The following ROBO2 variants were observed in gnomAD, a reference collection of about 807,000 sequenced individuals.
ROBO2 encodes the protein roundabout homolog 2.
A neutral mutation model predicts 160.8 loss-of-function variants in ROBO2; 53 were observed. The ratio of observed to expected loss-of-function variants is 0.33; its 90% CI spans 0.26 to 0.41. The LOEUF is 0.41. ROBO2 is among the 10% of genes least tolerant of loss of function. ROBO2 has a pLI of 1.00. For missense variants in ROBO2, 1,577 were observed against 1,722.4 expected, an observed-to-expected ratio of 0.92 and a Z score of 1.49; for synonymous variants, 664 against 611.7, an observed-to-expected ratio of 1.09 and a Z score of -1.26.
At chr3:76,260,421 A>G (rs762981699) in intron 2 of ROBO2, among the ~76,000 whole-genome samples, 7 of 152,174 alleles carry the variant, frequency 4.6e-5, no homozygotes, top group Non-Finnish European at 7.3e-5. Flanking sequence ...ACCAACATCT[A>G]CAGAGGTCAA....
chr3:77,245,626 TGG>T (rs2089636864), intron 2 of ROBO2, among the ~76,000 whole-genome samples: 1 of 152,236 alleles, frequency 6.6e-6, no homozygotes, highest in Non-Finnish European at 1.5e-5. Context: ...TGAAGCTGTG[TGG>T]ATACAAGGGA....
chr3:77,530,249 G>C (rs1353666298), intron 6 of ROBO2, among the ~76,000 whole-genome samples: 1 of 151,892 alleles, frequency 6.6e-6, no homozygotes, highest in Non-Finnish European at 1.5e-5. Context: ...TCAGATCATA[G>C]TTTCTGCCTA....
exon 13 of ROBO2, chr3:77,568,337 T>C: frequency 6.2e-7 from 1 of 1,612,788 alleles, no homozygotes; most frequent in South Asian, 1.1e-5. Context: ...GCACAAGGAG[T>C]GGACCACAGG....
intron 1 of ROBO2, among the ~76,000 whole-genome samples, chr3:77,091,619 G>GA (rs2070272252): frequency 6.6e-6 from 1 of 152,126 alleles, no homozygotes; most frequent in South Asian, 2.1e-4. Context: ...GGTAAGCATG[G>GA]AAAAAATGCA....
chr3:77,385,162 T>A (rs2073968901), intron 2 of ROBO2, among the ~76,000 whole-genome samples: 2 of 152,280 alleles, frequency 1.3e-5, no homozygotes, highest in South Asian at 4.1e-4. Context: ...CCTGAGTAGC[T>A]GGGATTACTG....
In ROBO2 at chr3:76,669,825, C is replaced by T. The variant is rs115513570; in HGVS notation, c.110-428189C>T. 4.9e-3 allele frequency among the ~76,000 whole-genome samples: 739 copies of T among 152,258 alleles called. 2 individuals are homozygous for T. The highest frequency in any genetic ancestry group is 8.5e-3 in the Non-Finnish European group (575 of 68,016). On this transcript the variant is annotated intron_variant, in intron 2 of 26. Transcript: ENST00000487694. The stretch of plus-strand genomic sequence containing the variant: ...AATTAAAACTTTGTTTCCATCAATA[C>T]GTTAACCACACAAGTTTTCTTCTCA...
intron 2 of ROBO2, among the ~76,000 whole-genome samples, chr3:76,351,490 A>G (rs1323303152): frequency 6.6e-6 from 1 of 151,944 alleles, no homozygotes; most frequent in South Asian, 2.1e-4. Flanking sequence ...GATTTACCAC[A>G]CTTAGAATAG....
intron 2 of ROBO2, among the ~76,000 whole-genome samples, chr3:76,863,411 C>A (rs1478481797): frequency 6.7e-6 from 1 of 149,052 alleles, no homozygotes; most frequent in Non-Finnish European, 1.5e-5. Context: ...CCATTCCAGC[C>A]TGGGTGACAG....
At chr3:76,448,760 A>T (rs1321902771) in intron 2 of ROBO2, among the ~76,000 whole-genome samples, 1 of 152,136 alleles carries the variant, frequency 6.6e-6, no homozygotes, top group Non-Finnish European at 1.5e-5. Flanking sequence ...TAATTCATCT[A>T]TTTCTCACAA....
At chr3:76,716,367 G>A (rs1053030307) in intron 2 of ROBO2, among the ~76,000 whole-genome samples, 55 of 152,124 alleles carry the variant, frequency 3.6e-4, no homozygotes, top group Admixed American at 5.2e-4. Flanking sequence ...TATATCTTAC[G>A]TTTTCTCACC....
At chr3:77,343,176 A>C (rs930225338) in intron 2 of ROBO2, among the ~76,000 whole-genome samples, 1 of 152,152 alleles carries the variant, frequency 6.6e-6, no homozygotes, top group Non-Finnish European at 1.5e-5. Context: ...GATCCTATAC[A>C]GTCACATTGG....
At chr3:76,051,207 T>C (rs1441833109) in intron 2 of ROBO2, among the ~76,000 whole-genome samples, 1 of 152,200 alleles carries the variant, frequency 6.6e-6, no homozygotes, top group Non-Finnish European at 1.5e-5. Flanking sequence ...TATTTGAAAC[T>C]CTAAAATACA....
At position 76,914,024 on chromosome 3, in the gene ROBO2, A is replaced by G. The variant is rs1020272697; in HGVS notation, c.110-183990A>G. On this transcript the variant is annotated intron_variant, in intron 2 of 26. Transcript: ENST00000487694. Reference sequence around the variant, plus strand: ...TCCTTTAGATGAGTTACTGTGAATAATACTCCTTTAGATGAGTAAATGTAA... The same window carrying G: ...TCCTTTAGATGAGTTACTGTGAATAGTACTCCTTTAGATGAGTAAATGTAA... Among the ~76,000 whole-genome samples the G allele has an allele frequency of 7.9e-5, 12 of 152,192 alleles. No individual in the cohort carries two copies. In the East Asian group the frequency reaches 1.5e-3, roughly 20 times the overall value.
chr3:76,073,965 A>G lies in ROBO2; in HGVS notation c.109+136363A>G, dbSNP rs543230519. 1.8e-4 allele frequency among the ~76,000 whole-genome samples: 28 copies of G among 151,944 alleles called. 1 individual carries two copies. Among genetic ancestry groups the G allele is most frequent in the Non-Finnish European group, 4.0e-4 (27 of 68,024 alleles). Reference sequence around the variant, plus strand: ...GTGAAGCTGAGGCTCCAGGTCCATGAAGGTCATTTCTCACTCTTCAGTTTC... The same window carrying G: ...GTGAAGCTGAGGCTCCAGGTCCATGGAGGTCATTTCTCACTCTTCAGTTTC... On this transcript the variant is annotated intron_variant, in intron 2 of 26. Coordinates refer to the ROBO2 transcript ENST00000487694.
chr3:77,423,770 A>G (rs2153534547), intron 2 of ROBO2, among the ~76,000 whole-genome samples: 1 of 152,314 alleles, frequency 6.6e-6, no homozygotes, highest in East Asian at 1.9e-4. Flanking sequence ...ATGTGATTTC[A>G]TAAACCCCTA....
chr3:75,961,308 T>A (rs1214860933), intron 2 of ROBO2, among the ~76,000 whole-genome samples: 2 of 151,706 alleles, frequency 1.3e-5, no homozygotes, highest in Non-Finnish European at 3.0e-5. Flanking sequence ...TACTTTTGTA[T>A]GTTATTTAAC....
intron 2 of ROBO2, among the ~76,000 whole-genome samples, chr3:76,365,711 A>C (rs1023659216): frequency 1.3e-5 from 2 of 152,086 alleles, no homozygotes; most frequent in African/African-American, 4.8e-5. Flanking sequence ...AATGTATTGC[A>C]AATATCTTGA....
rs571297292 is a variant in ROBO2 at position 77,194,258 on chromosome 3, G to A, written c.388+95918G>A. Among the ~76,000 whole-genome samples, 5 of 152,244 alleles carry A rather than the reference G, an allele frequency of 3.3e-5. No homozygotes were observed. In the East Asian group the frequency reaches 7.7e-4, roughly 24 times the overall value. On this transcript the variant is annotated intron_variant, in intron 2 of 25. Transcript: ENST00000461745. ...ATTCTCTGGGGGTCTCTCCACTGAA[G>A]ATCTCTTCTTGTCATTGGCCCCATT...
chr3:76,305,543 G>A (rs1341207147), intron 2 of ROBO2, among the ~76,000 whole-genome samples: 4 of 151,698 alleles, frequency 2.6e-5, no homozygotes, highest in Admixed American at 1.3e-4. Flanking sequence ...GGCGGATCAC[G>A]AGGTCAGGAG....
Sources: gnomAD v4.1 joint callset for allele counts (sites outside exome capture counted in the v4.1 genomes callset) on GRCh38, gnomAD v4.1.1 for gene constraint, MANE v1.5 for transcripts, NCBI Gene and HGNC (gene_info 2026-07-23, HGNC 2026-07-21) for gene names.